Variants in CSRNP3 observed in about 807,000 individuals in gnomAD.
CSRNP3 encodes cysteine and serine rich nuclear protein 3, also known as cysteine/serine-rich nuclear protein 3.
Under a neutral mutation model 48.0 loss-of-function variants are expected in CSRNP3, and 12 were observed. That is an observed-to-expected ratio of 0.25 (90% CI 0.16 to 0.41). CSRNP3 has a LOEUF of 0.41. Among genes scored for constraint, CSRNP3 ranks in the 10% least tolerant of loss-of-function variants. The pLI is 1.00. For synonymous variants in CSRNP3, 263 were observed against 269.7 expected, an observed-to-expected ratio of 0.98 and a Z score of 0.24; for missense variants, 580 against 724.4, an observed-to-expected ratio of 0.80 and a Z score of 2.29.
intron 5 of CSRNP3, among the ~76,000 whole-genome samples, chr2:165,673,748 A>G (rs1023162190): frequency 6.6e-6 from 1 of 152,086 alleles, no homozygotes; most frequent in African/African-American, 2.4e-5. Context: ...TAAAAAATAG[A>G]GGTGGCTCAT....
At chr2:165,564,797 G>A (rs1169749806) in intron 3 of CSRNP3, among the ~76,000 whole-genome samples, 3 of 151,888 alleles carry the variant, frequency 2.0e-5, no homozygotes, top group African/African-American at 7.3e-5. Flanking sequence ...TCTGTTAAAT[G>A]TATTTGGGTG....
chr2:165,588,135 A>G (rs1405169378), intron 3 of CSRNP3, among the ~76,000 whole-genome samples: 3 of 152,220 alleles, frequency 2.0e-5, no homozygotes, highest in African/African-American at 7.2e-5. Context: ...AAATGCTATG[A>G]AAATAAATTA....
At chr2:165,642,984 AAG>A (rs1349529396) in intron 4 of CSRNP3, among the ~76,000 whole-genome samples, 1 of 152,230 alleles carries the variant, frequency 6.6e-6, no homozygotes, top group Non-Finnish European at 1.5e-5. Context: ...GAGAGAAAGA[AAG>A]AGAGATAGAG....
At chr2:165,512,895 G>C (rs933135247) in intron 2 of CSRNP3, among the ~76,000 whole-genome samples, 1 of 152,234 alleles carries the variant, frequency 6.6e-6, no homozygotes, top group African/African-American at 2.4e-5. Flanking sequence ...ACAAGGTCAG[G>C]AGATTGAGAC....
chr2:165,580,919 A>G (rs1231420171), intron 3 of CSRNP3, among the ~76,000 whole-genome samples: 3 of 152,042 alleles, frequency 2.0e-5, no homozygotes, highest in African/African-American at 7.2e-5. Flanking sequence ...AATTAGGCTA[A>G]GTACTATTCT....
At chr2:165,667,035 A>AAAGAGGAAGGAAGGAAGGAAAGAGAGG (rs1558968272) in intron 5 of CSRNP3, among the ~76,000 whole-genome samples, 1 of 45,050 alleles carries the variant, frequency 2.2e-5, no homozygotes, top group Non-Finnish European at 6.0e-5. Flanking sequence ...AGAGAGGAAG[A>AAAGAGGAAGGAAGGAAGGAAAGAGAGG]AAGAAAGAGA....
chr2:165,676,555 G>A lies in CSRNP3; in HGVS notation c.652G>A (p.Val218Met), dbSNP rs1354892078. The change falls in exon 6 of 7, where the codon GTG becomes ATG. Residue 218 changes from valine to methionine, a missense_variant. Physicochemically the swap from Val to Met is conservative, Grantham distance 21. This residue lies in a region of CSRNP3 where 66 missense variants were observed against 137.6 expected (regional missense o/e 0.48). Transcript: ENST00000651982. ...AGAGGACTGTGGCTGTGACTGCCGA[G>A]TGTTCTGTGATCCAGACACGTGCAC... ...SREDCGCDCR[V>M]FCDPDTCTCS... 3.1e-6 allele frequency: 5 copies of A among 1,614,048 alleles called. No individual in the cohort carries two copies. Among genetic ancestry groups the A allele is most frequent in the Non-Finnish European group, 4.2e-6 (5 of 1,180,016 alleles).
At chr2:165,566,097 T>C (rs76341587) in intron 3 of CSRNP3, among the ~76,000 whole-genome samples, 4,657 of 152,030 alleles carry the variant, frequency 0.031, 270 homozygotes, top group African/African-American at 0.11. Flanking sequence ...TCCTGAGTTA[T>C]TTAATAAAAC....
intron 4 of CSRNP3, among the ~76,000 whole-genome samples, chr2:165,608,934 CAAAAAAAAAAA>C (rs33952227): frequency 2.6e-5 from 2 of 75,590 alleles, no homozygotes; most frequent in Admixed American, 1.7e-4. Context: ...ACTAAAAATA[CAAAAAAAAAAA>C]AAAAAAAAAA....
At chr2:165,591,781 G>A (rs1377063414) in intron 3 of CSRNP3, among the ~76,000 whole-genome samples, 2 of 152,298 alleles carry the variant, frequency 1.3e-5, no homozygotes, top group African/African-American at 4.8e-5. Flanking sequence ...CCTAGGGTTC[G>A]CAGGATGTAT....
At chr2:165,644,750 GT>G (rs1244185768) in intron 4 of CSRNP3, among the ~76,000 whole-genome samples, 5 of 152,182 alleles carry the variant, frequency 3.3e-5, no homozygotes, top group African/African-American at 1.2e-4. Flanking sequence ...TAGATATTGA[GT>G]GATAATTCTA....
At chr2:165,490,530 A>T (rs1480860506) in intron 1 of CSRNP3, among the ~76,000 whole-genome samples, 5 of 139,634 alleles carry the variant, frequency 3.6e-5, no homozygotes, top group Admixed American at 7.3e-5. Flanking sequence ...GAGGCATCAC[A>T]CTACCTGACT....
chr2:165,647,418 CAAT>C (rs760641678), intron 4 of CSRNP3, among the ~76,000 whole-genome samples: 3 of 152,102 alleles, frequency 2.0e-5, no homozygotes, highest in Non-Finnish European at 4.4e-5. Context: ...GCAGATACCT[CAAT>C]AATGTATGTT....
At chr2:165,577,324 AATT>A (rs1685469023) in intron 3 of CSRNP3, among the ~76,000 whole-genome samples, 1 of 151,876 alleles carries the variant, frequency 6.6e-6, no homozygotes, top group African/African-American at 2.4e-5. Flanking sequence ...TTTTATTAAA[AATT>A]ATAAGAACAA....
At chr2:165,654,704 A>T (rs1378192422) in intron 4 of CSRNP3, among the ~76,000 whole-genome samples, 1 of 152,076 alleles carries the variant, frequency 6.6e-6, no homozygotes, top group East Asian at 1.9e-4. Flanking sequence ...ATTTCGGCTC[A>T]CTGCAACCTC....
At chr2:165,515,739 T>C (rs1684572523) in intron 2 of CSRNP3, among the ~76,000 whole-genome samples, 1 of 151,870 alleles carries the variant, frequency 6.6e-6, no homozygotes, top group African/African-American at 2.4e-5. Flanking sequence ...TATAGACATA[T>C]GCAACTCAAC....
chr2:165,658,363 T>C (rs1371766648), intron 5 of CSRNP3, among the ~76,000 whole-genome samples: 1 of 152,102 alleles, frequency 6.6e-6, no homozygotes, highest in Non-Finnish European at 1.5e-5. Context: ...TTAATAAAAG[T>C]GCTAAACAAA....
chr2:165,621,134 C>G (rs1686331801), intron 4 of CSRNP3, among the ~76,000 whole-genome samples: 1 of 152,000 alleles, frequency 6.6e-6, no homozygotes, highest in Non-Finnish European at 1.5e-5. Flanking sequence ...AAGTCAGAAT[C>G]CAAACTAAAC....
chr2:165,564,874 C>G (rs143104892), intron 3 of CSRNP3, among the ~76,000 whole-genome samples: 1 of 152,062 alleles, frequency 6.6e-6, no homozygotes, highest in East Asian at 1.9e-4. Context: ...CTGCATTCTT[C>G]TTGTTGCTAC....
Sources: allele counts gnomAD v4.1 joint callset (sites outside exome capture counted in the v4.1 genomes callset), GRCh38; gene constraint gnomAD v4.1.1; regional missense constraint gnomAD v4.1.1; transcripts MANE v1.5; gene names NCBI Gene and HGNC (gene_info 2026-07-23, HGNC 2026-07-21).